The following ENOX1 variants were observed in gnomAD, a reference collection of about 807,000 sequenced individuals.
The protein encoded by ENOX1 is candidate growth-related and time keeping constitutive hydroquinone (NADH) oxidase.
ENOX1 carries 42 observed loss-of-function variants against 82.5 expected under a neutral mutation model. The observed-to-expected ratio is 0.51, with a 90% CI of 0.40 to 0.66. ENOX1 has a LOEUF of 0.66. Among genes scored for constraint, ENOX1 ranks in the 30% least tolerant of loss-of-function variants. The pLI, the probability that ENOX1 is intolerant of heterozygous loss-of-function variation, is 0.00. For missense variants in ENOX1, 608 were observed against 811.6 expected (o/e 0.75, Z 3.05); for synonymous variants, 271 against 282.2 (o/e 0.96, Z 0.40).
At chr13:43,591,900 G>T (rs565681828) in intron 2 of ENOX1, among the ~76,000 whole-genome samples, 1 of 152,206 alleles carries the variant, frequency 6.6e-6, no homozygotes, top group African/African-American at 2.4e-5. Context: ...CAAAAGACCA[G>T]CCTGGCTTTG....
intron 3 of ENOX1, among the ~76,000 whole-genome samples, chr13:43,475,778 C>T (rs1217530437): frequency 9.8e-5 from 1 of 10,190 alleles, no homozygotes; most frequent in Non-Finnish European, 1.7e-4. Context: ...CAATCATATA[C>T]AAAAACATAA....
chr13:43,274,391 T>C (rs1225772957), intron 12 of ENOX1, among the ~76,000 whole-genome samples: 1 of 152,262 alleles, frequency 6.6e-6, no homozygotes, highest in Non-Finnish European at 1.5e-5. Flanking sequence ...CTAATATTTA[T>C]ATATTCAAAA....
chr13:43,627,634 A>G (rs1375991171), intron 2 of ENOX1, among the ~76,000 whole-genome samples: 2 of 152,042 alleles, frequency 1.3e-5, no homozygotes, highest in African/African-American at 4.8e-5. Context: ...ACTACCAAAT[A>G]TATTTATTAA....
At chr13:43,662,386 G>A (rs1354448530) in intron 2 of ENOX1, among the ~76,000 whole-genome samples, 1 of 152,142 alleles carries the variant, frequency 6.6e-6, no homozygotes, top group Non-Finnish European at 1.5e-5. Flanking sequence ...GCATCTCCAT[G>A]CAATATAGGT....
intron 15 of ENOX1, among the ~76,000 whole-genome samples, chr13:43,229,710 G>A (rs991508157): frequency 3.3e-5 from 5 of 152,192 alleles, no homozygotes; most frequent in Non-Finnish European, 7.3e-5. Flanking sequence ...CTGGAGTGGT[G>A]AGTCATGATC....
At chr13:43,472,774 C>A (rs1171776261) in intron 3 of ENOX1, among the ~76,000 whole-genome samples, 1 of 152,160 alleles carries the variant, frequency 6.6e-6, no homozygotes, top group Non-Finnish European at 1.5e-5. Context: ...CTATGAAGGT[C>A]TTCCAGGACC....
chr13:43,299,498 C>G (rs1324999016), intron 11 of ENOX1, among the ~76,000 whole-genome samples: 1 of 152,122 alleles, frequency 6.6e-6, no homozygotes, highest in Non-Finnish European at 1.5e-5. Context: ...CTCATCTTTA[C>G]AGATGAGAAA....
intron 5 of ENOX1, among the ~76,000 whole-genome samples, chr13:43,404,322 C>A (rs1367480625): frequency 1.3e-5 from 2 of 152,206 alleles, no homozygotes; most frequent in Non-Finnish European, 1.5e-5. Flanking sequence ...TCCATCCCAA[C>A]CACCACCTCT....
intron 15 of ENOX1, among the ~76,000 whole-genome samples, chr13:43,236,356 T>A (rs2042551687): frequency 6.6e-6 from 1 of 152,208 alleles, no homozygotes; most frequent in South Asian, 2.1e-4. Flanking sequence ...GCCCAAGCTT[T>A]GAAATTCAGA....
chr13:43,616,204 A>ATATAT lies in ENOX1; in HGVS notation c.-219+51274_-219+51275insATATA, dbSNP rs1457149422. On this transcript the variant is annotated intron_variant, in intron 2 of 16. Coordinates refer to ENST00000690772, the MANE Select transcript of ENOX1 (RefSeq NM_001347969.2). ...TATCTATCTATATATATATATATAT[A>ATATAT]TTTTTTTTTTTTTTTTAGGACGGAG... is the stretch of plus-strand genomic sequence containing the variant. Among the ~76,000 whole-genome samples, 14 of 15,316 alleles carry ATATAT rather than the reference A, an allele frequency of 9.1e-4. 1 individual carries two copies. Among genetic ancestry groups the ATATAT allele is most frequent in the Admixed American group, 1.6e-3 (1 of 622 alleles). The allele number at this position is 15,316 out of a possible 152,430, so 10.0% of individuals were successfully genotyped here. A position where few individuals can be genotyped will look rare whatever the true frequency, so the allele number is the denominator to read the frequency against.
At chr13:43,549,164 A>G (rs2079087634) in intron 2 of ENOX1, among the ~76,000 whole-genome samples, 17 of 152,258 alleles carry the variant, frequency 1.1e-4, no homozygotes, top group Admixed American at 1.1e-3. Flanking sequence ...TTATGGAATT[A>G]GACTGTTGTT....
chr13:43,309,374 A>C (rs1380955017), intron 11 of ENOX1, among the ~76,000 whole-genome samples: 1 of 152,008 alleles, frequency 6.6e-6, no homozygotes, highest in Non-Finnish European at 1.5e-5. Context: ...CCTGCCAACA[A>C]CACTTGTTCT....
chr13:43,445,108 T>C (rs545565883), intron 3 of ENOX1, among the ~76,000 whole-genome samples: 2 of 150,014 alleles, frequency 1.3e-5, no homozygotes, highest in Admixed American at 1.3e-4. Context: ...TCTAGAGAAA[T>C]GTTTCCTTCT....
intron 3 of ENOX1, among the ~76,000 whole-genome samples, chr13:43,432,556 T>C (rs1230068678): frequency 6.6e-6 from 1 of 152,158 alleles, no homozygotes; most frequent in Non-Finnish European, 1.5e-5. Flanking sequence ...GGCACGAGAA[T>C]TGCTTGAGCC....
intron 2 of ENOX1, among the ~76,000 whole-genome samples, chr13:43,604,778 C>G (rs1274071357): frequency 6.6e-6 from 1 of 152,004 alleles, no homozygotes; most frequent in African/African-American, 2.4e-5. Flanking sequence ...CCAAAGCAAT[C>G]AGACAAGAAA....
chr13:43,669,768 T>C (rs532266279), intron 1 of ENOX1, among the ~76,000 whole-genome samples: 1 of 152,292 alleles, frequency 6.6e-6, no homozygotes, highest in African/African-American at 2.4e-5. Flanking sequence ...GTTGTAATTC[T>C]TGGGAGTTCT....
intron 1 of ENOX1, among the ~76,000 whole-genome samples, chr13:43,756,043 T>C (rs989962732): frequency 6.6e-6 from 1 of 152,206 alleles, no homozygotes; most frequent in African/African-American, 2.4e-5. Flanking sequence ...GCTATAAATA[T>C]ATGTGGTTGA....
chr13:43,214,163 A>T, intron 16 of ENOX1, 42 bp from the exon 17 acceptor site: 1 of 1,596,352 alleles, frequency 6.3e-7, no homozygotes. Flanking sequence ...AAAGGAACTC[A>T]TCTTAAAGGA....
chr13:43,450,573 C>T (rs141912868), intron 3 of ENOX1, among the ~76,000 whole-genome samples: 304 of 152,176 alleles, frequency 2.0e-3, no homozygotes, highest in Non-Finnish European at 2.3e-3. Flanking sequence ...ATGGAAAGAA[C>T]AGGCAAGACA....
Sources: gnomAD v4.1 joint callset for allele counts (sites outside exome capture counted in the v4.1 genomes callset) on GRCh38, gnomAD v4.1.1 for gene constraint, MANE v1.5 for transcripts, NCBI Gene and HGNC (gene_info 2026-07-23, HGNC 2026-07-21) for gene names.